The following CEP72 variants were observed in gnomAD, a reference collection of about 807,000 sequenced individuals.
CEP72 encodes the protein centrosomal protein 72.
Under a neutral mutation model 65.7 loss-of-function variants are expected in CEP72, and 78 were observed. The observed-to-expected ratio is 1.19, with a 90% CI of 0.99 to 1.43. The LOEUF is 1.43. Among genes scored for constraint, CEP72 ranks in the 40% most tolerant of loss-of-function variants. The probability of loss-of-function intolerance (pLI) is 0.00; values close to 1 mark genes in which losing one functional copy is unlikely to be tolerated. For missense variants in CEP72, 914 were observed against 832.9 expected (o/e 1.10, Z -1.20); for synonymous variants, 358 against 351.7 (o/e 1.02, Z -0.20).
intron 11 of CEP72, among the ~76,000 whole-genome samples, 157 bp from the exon 12 acceptor site, chr5:652,831 T>C (rs1163128390): frequency 6.6e-6 from 1 of 152,152 alleles, no homozygotes; most frequent in Non-Finnish European, 1.5e-5. Context: ...CGGTAGCCAG[T>C]GGGACACAGA....
At position 623,611 on chromosome 5, in the gene CEP72, A is replaced by G. The variant is rs754934622; in HGVS notation, c.404-860A>G. ...AGCGAGTCTTGGTGGGCAGAGAGCT[A>G]TGCGTCGTTAGTGCGGGGCTGGTGA... is the stretch of plus-strand genomic sequence containing the variant. On this transcript the variant is annotated intron_variant, in intron 3 of 11. Transcript: ENST00000264935. This position sits in a 1 kb window ranked among gnomAD's most constrained non-coding sequence, Gnocchi z 5.3. Among the ~76,000 whole-genome samples the G allele has an allele frequency of 1.3e-5, 2 of 150,344 alleles. No homozygotes were observed. Among genetic ancestry groups the G allele is most frequent in the Non-Finnish European group, 3.0e-5 (2 of 67,630 alleles).
At position 637,424 on chromosome 5, in the gene CEP72, A is replaced by G; in HGVS notation, c.905-93A>G. ...CGTGTGTGTCCATGTGTGTATATAC[A>G]TGGGCACACACATGCCTTTTAAAAG... is the stretch of plus-strand genomic sequence containing the variant. On this transcript the variant is annotated intron_variant, in intron 6 of 11. Transcript: ENST00000264935. 6.3e-6 allele frequency: 7 copies of G among 1,107,058 alleles called. No homozygotes were observed. In the South Asian group the frequency reaches 7.2e-5, roughly 11 times the overall value. 68.6% of individuals were successfully genotyped at this position (1,107,058 alleles called of 1,614,324 possible). A position where few individuals can be genotyped will look rare whatever the true frequency, so the allele number is the denominator to read the frequency against.
intron 8 of CEP72, among the ~76,000 whole-genome samples, chr5:639,760 C>A (rs548717451): frequency 2.0e-5 from 3 of 152,208 alleles, no homozygotes; most frequent in Non-Finnish European, 4.4e-5. Flanking sequence ...GGAGATGCCG[C>A]GTCCCCAGGG....
chr5:656,446 T>C (rs998330261), downstream of CEP72, among the ~76,000 whole-genome samples: 5 of 152,254 alleles, frequency 3.3e-5, no homozygotes, highest in African/African-American at 9.6e-5. Context: ...ATGTTAGGGC[T>C]CCTTCAGCGG....
chr5:658,741 T>C (rs2126844624), downstream of CEP72, among the ~76,000 whole-genome samples: 1 of 132,578 alleles, frequency 7.5e-6, no homozygotes, highest in East Asian at 2.8e-4. Context: ...TGATCTCGGC[T>C]CACTGCAAGC....
intron 3 of CEP72, among the ~76,000 whole-genome samples, chr5:622,758 C>T (rs1048434508): frequency 6.7e-6 from 1 of 149,776 alleles, no homozygotes; most frequent in Non-Finnish European, 1.5e-5. Context: ...CAATGGACCC[C>T]CCCAAGACAC....
At chr5:627,822 T>C (rs1162322274) in intron 4 of CEP72, among the ~76,000 whole-genome samples, 1 of 152,220 alleles carries the variant, frequency 6.6e-6, no homozygotes, top group Non-Finnish European at 1.5e-5. Context: ...TTTACTTATA[T>C]TAAAACTTTA....
At chr5:635,875 A>G (rs1737561010) in intron 6 of CEP72, among the ~76,000 whole-genome samples, 1 of 147,966 alleles carries the variant, frequency 6.8e-6, no homozygotes, top group South Asian at 2.2e-4. Context: ...CCTGTTCCAG[A>G]CTCATCCTTT....
intron 5 of CEP72, among the ~76,000 whole-genome samples, chr5:634,810 C>T (rs1737478025): frequency 6.6e-6 from 1 of 152,146 alleles, no homozygotes; most frequent in African/African-American, 2.4e-5. Context: ...TGTGGCTGGC[C>T]TTTTCATTAT....
intron 10 of CEP72, among the ~76,000 whole-genome samples, chr5:646,713 G>A (rs773105230): frequency 7.2e-5 from 11 of 152,242 alleles, no homozygotes; most frequent in Non-Finnish European, 1.3e-4. Flanking sequence ...CATGGGAGGG[G>A]CAGGGCCGTG....
intron 6 of CEP72, among the ~76,000 whole-genome samples, chr5:636,418 T>C (rs1737602049): frequency 6.6e-6 from 1 of 152,190 alleles, no homozygotes; most frequent in South Asian, 2.1e-4. Context: ...GTTATGGCAA[T>C]AGCTACATTT....
downstream of CEP72, among the ~76,000 whole-genome samples, chr5:669,893 T>C (rs1263195645): frequency 6.6e-6 from 1 of 152,128 alleles, no homozygotes; most frequent in African/African-American, 2.4e-5. Context: ...CCGGCTCTCC[T>C]GACATAGAGT....
At chr5:619,394 C>T (rs548905189) in intron 2 of CEP72, among the ~76,000 whole-genome samples, 1 of 152,204 alleles carries the variant, frequency 6.6e-6, no homozygotes, top group Non-Finnish European at 1.5e-5. Flanking sequence ...GGGGCTGCCT[C>T]CTGGGCTCCT....
downstream of CEP72, among the ~76,000 whole-genome samples, chr5:654,504 G>A (rs930603716): frequency 2.0e-5 from 3 of 152,106 alleles, no homozygotes; most frequent in East Asian, 3.8e-4. Flanking sequence ...GGAAATCAGA[G>A]GTGGGACTCT....
Position 639,217 on chromosome 5 carries a change from A to G in CEP72, c.1335A>G (p.Ala445=). The change falls in exon 8 of 12, where the codon GCA becomes GCG. Residue 445 remains alanine (A), a synonymous_variant. Coordinates refer to ENST00000264935, the MANE Select transcript of CEP72 (RefSeq NM_018140.4). The part of the protein sequence containing the change: ...GGCRSLHSNE[A]FLAQARHILS... ...GCAGGTCCCTGCACAGCAACGAGGCATTCCTTGGTGAGTCAGGGCGGCCAC... is the reference window on the plus strand; with the variant it reads ...GCAGGTCCCTGCACAGCAACGAGGCGTTCCTTGGTGAGTCAGGGCGGCCAC... 6.3e-7 allele frequency: 1 copy of G among 1,577,066 alleles called. No individual in the cohort carries two copies. The highest frequency in any genetic ancestry group is 8.6e-7 in the Non-Finnish European group (1 of 1,156,780).
chr5:643,769 C>CGTGTAGCT (rs1220555966), intron 9 of CEP72: 2 of 546,796 alleles, frequency 3.7e-6, no homozygotes, highest in East Asian at 2.9e-4. Context: ...CAGAGGCTGC[C>CGTGTAGCT]GTGTAGCTGC....
rs563655209 is a variant in CEP72 at position 623,094 on chromosome 5, C to T, written c.404-1377C>T. On this transcript the variant is annotated intron_variant, in intron 3 of 11. Coordinates refer to ENST00000264935, the MANE Select transcript of CEP72 (RefSeq NM_018140.4). The surrounding 1 kb of genome is among the most constrained non-coding windows in gnomAD (Gnocchi z 5.3). ...TTAGTGTTTCTGCAGAGAAGGAGCG[C>T]GACCGTCTCCCTCTTAGTGTTTCTG... is the stretch of plus-strand genomic sequence containing the variant. 2.3e-3 allele frequency among the ~76,000 whole-genome samples: 349 copies of T among 149,930 alleles called. 1 individual carries two copies. Among genetic ancestry groups the T allele is most frequent in the Non-Finnish European group, 4.1e-3 (280 of 67,792 alleles).
chr5:619,540 C>G (rs1194619230), intron 2 of CEP72, among the ~76,000 whole-genome samples: 1 of 151,408 alleles, frequency 6.6e-6, no homozygotes, highest in Admixed American at 6.6e-5. Flanking sequence ...ATGGAGGCTG[C>G]GTCTGCATGG....
chr5:640,884 G>C, intron 9 of CEP72: 1 of 985,458 alleles, frequency 1.0e-6, no homozygotes, highest in Non-Finnish European at 1.2e-6. Flanking sequence ...GGTGCTGCAG[G>C]AGCCAGGCCT....
Sources: gnomAD v4.1 joint callset for allele counts (sites outside exome capture counted in the v4.1 genomes callset) on GRCh38, gnomAD v4.1.1 for gene constraint, Gnocchi (gnomAD v3.1) non-coding constraint, MANE v1.5 for transcripts, NCBI Gene and HGNC (gene_info 2026-07-23, HGNC 2026-07-21) for gene names.